CUBN: variants seen among roughly 807,000 people sequenced by gnomAD.
CUBN encodes cubilin.
In CUBN, 282 loss-of-function variants were observed where a neutral mutation model predicts 405.3. The observed-to-expected ratio is 0.70, with a 90% CI of 0.63 to 0.77. The LOEUF is 0.77. Among genes scored for constraint, CUBN ranks in the 30% least tolerant of loss-of-function variants. CUBN has a pLI of 0.00. For missense variants in CUBN, 4,514 were observed against 4,475.2 expected (o/e 1.01, Z -0.25); for synonymous variants, 1,684 against 1,617.0 (o/e 1.04, Z -0.99).
At chr10:16,898,254 G>T (rs373170399) in intron 54 of CUBN, among the ~76,000 whole-genome samples, 1 of 151,936 alleles carries the variant, frequency 6.6e-6, no homozygotes, top group African/African-American at 2.4e-5. Flanking sequence ...TTATTACATC[G>T]TATTATCTCC....
intron 22 of CUBN, among the ~76,000 whole-genome samples, chr10:17,051,136 T>C (rs1374540013): frequency 6.6e-6 from 1 of 151,284 alleles, no homozygotes; most frequent in African/African-American, 2.4e-5. Flanking sequence ...TCAAGGCAGG[T>C]GGATCATGAG....
At position 16,832,486 on chromosome 10, in the gene CUBN, T is replaced by G. The variant is rs545133158; in HGVS notation, c.10363-1069A>C. 3.9e-5 allele frequency among the ~76,000 whole-genome samples: 6 copies of G among 152,286 alleles called. No homozygotes were observed. In the East Asian group the frequency reaches 1.2e-3, roughly 29 times the overall value. On this transcript the variant is annotated intron_variant, in intron 64 of 66. Coordinates refer to ENST00000377833, the MANE Select transcript of CUBN (RefSeq NM_001081.4). Reference sequence around the variant, plus strand: ...TTTGGGGATTATTCTGCTAAGTGTTTAAACAAAGTAACCTTGCCATGACAG... The same window carrying G: ...TTTGGGGATTATTCTGCTAAGTGTTGAAACAAAGTAACCTTGCCATGACAG...
At position 16,869,642 on chromosome 10, in the gene CUBN, T is replaced by A. The variant is rs1244161128; in HGVS notation, c.9448A>T (p.Thr3150Ser). Residue 3150 changes from threonine (T) to serine (S), a missense_variant, in exon 59 of 67, where the codon ACA (threonine) becomes TCA (serine). This residue lies in a region of CUBN where 1,186 missense variants were observed against 1,186.9 expected (regional missense o/e 1.00). Coordinates refer to ENST00000377833, the MANE Select transcript of CUBN (RefSeq NM_001081.4). Reference protein sequence around the residue: ...AKGWKMSFRQTLGPQQGCGGY... With the variant: ...AKGWKMSFRQSLGPQQGCGGY... ...ACAAGTCCAGAATTCTTACCCAATG[T>A]CTGCCGGAAAGACATCTTCCAGCCT... 1 of 1,611,682 alleles carries A rather than the reference T, an allele frequency of 6.2e-7. No individual in the cohort carries two copies. Among genetic ancestry groups the A allele is most frequent in the East Asian group, 2.2e-5 (1 of 44,868 alleles).
Position 17,129,248 on chromosome 10 carries a change from G to T in CUBN, c.125C>A (p.Pro42His). 6.2e-7 allele frequency: 1 copy of T among 1,613,370 alleles called. No individual in the cohort carries two copies. The highest frequency in any genetic ancestry group is 8.5e-7 in the Non-Finnish European group (1 of 1,179,410). ...ATTTCCTCTCTCTGTAGCCATTCGA[G>T]GCCTATATAATTCAAACGAGAGAAT... is the stretch of plus-strand genomic sequence containing the variant. ...RQKRSINLQQ[P>H]RMATERGNLV... is the part of the protein sequence containing the mutation. The change falls in exon 2 of 67, where the codon CCT (proline) becomes CAT (histidine). Residue 42 changes from proline to histidine, a missense_variant and splice_region_variant. By Grantham distance (77) the Pro-to-His change is moderately conservative. Around this residue, in one of 5 missense-constraint regions of CUBN, gnomAD observed 1,448 missense variants for 1,388.0 expected, o/e 1.04. Transcript: ENST00000377833.
At chr10:16,976,377 T>A (rs1306048576) in intron 31 of CUBN, among the ~76,000 whole-genome samples, 2 of 152,134 alleles carry the variant, frequency 1.3e-5, no homozygotes, top group Admixed American at 1.3e-4. Flanking sequence ...TTAAAAAAAT[T>A]TTTTTTACTT....
chr10:16,875,060 T>C (rs1338848252), intron 57 of CUBN, among the ~76,000 whole-genome samples: 1 of 152,048 alleles, frequency 6.6e-6, no homozygotes, highest in Non-Finnish European at 1.5e-5. Flanking sequence ...TCCAGTCTGG[T>C]GGATTTGCAG....
At chr10:17,037,623 G>A (rs1256897885) in intron 27 of CUBN, among the ~76,000 whole-genome samples, 1 of 152,164 alleles carries the variant, frequency 6.6e-6, no homozygotes, top group Non-Finnish European at 1.5e-5. Context: ...CATTTAAAGA[G>A]GCACTGACAT....
In CUBN at chr10:17,085,604, T is replaced by C. The variant is rs143693723; in HGVS notation, c.2103A>G (p.Thr701=). The C allele has an allele frequency of 5.0e-4, 799 of 1,614,056 alleles. 5 individuals are homozygous for C. The African/African-American group carries it at 9.5e-3, about 19-fold the overall frequency. ...SDQGFHITYL[T]SPSDLRCGGN... ...AACTGGTAGGTTACTTACAAGGTGA[T>C]GTTAAGTAGGTGATATGGAAGCCTT... Residue 701 remains threonine, a synonymous_variant, in exon 16 of 67, where the codon ACA becomes ACG. Transcript: ENST00000377833.
At chr10:17,040,958 G>T in intron 27 of CUBN, 75 bp downstream of exon 27, 1 of 1,416,536 alleles carries the variant, frequency 7.1e-7, no homozygotes, top group Non-Finnish European at 1.0e-6. Flanking sequence ...ATTCTAAAAA[G>T]CATGATGGAT....
In CUBN at chr10:16,824,811, C is replaced by A; in HGVS notation, c.*164G>T. On this transcript the variant is annotated 3_prime_UTR_variant, in exon 67 of 67. Coordinates refer to ENST00000377833, the MANE Select transcript of CUBN (RefSeq NM_001081.4). ...CTGAGAATACAGGGGGGTGAGCCAC[C>A]ACGCCTGGCCTACAAATATTGATTC... 1.5e-6 allele frequency: 1 copy of A among 650,144 alleles called. No individual in the cohort carries two copies. The allele number at this position is 650,144 out of a possible 1,614,324, so 40.3% of individuals were successfully genotyped here.
At chr10:17,044,017 A>C in intron 25 of CUBN, 34 bp from the exon 26 acceptor site, 1 of 1,584,206 alleles carries the variant, frequency 6.3e-7, no homozygotes, top group Non-Finnish European at 8.6e-7. Flanking sequence ...TAGATGGTTG[A>C]GACTATAAAC....
intron 34 of CUBN, 129 bp from the exon 35 acceptor site, chr10:16,948,735 C>G: frequency 8.9e-7 from 1 of 1,118,142 alleles, no homozygotes. Flanking sequence ...CTAGGAGAAC[C>G]ACTTCATTCA....
Position 17,085,642 on chromosome 10 carries a change from GGGA to G in CUBN, c.2062_2064del (p.Ser688del). 6.2e-7 allele frequency: 1 copy of G among 1,614,084 alleles called. No individual in the cohort carries two copies. The highest frequency in any genetic ancestry group is 8.5e-7 in the Non-Finnish European group (1 of 1,179,972). On this transcript the variant is annotated inframe_deletion, in exon 16 of 67. Transcript: ENST00000377833. ...ATATGGAAGCCTTGGTCACTAATCTGGGAGTCTGAATGGAAGTGAATTCTGGCA... is the reference window on the plus strand; with the variant it reads ...ATATGGAAGCCTTGGTCACTAATCTGGTCTGAATGGAAGTGAATTCTGGCA...
At chr10:17,040,607 T>C (rs1834997326) in intron 27 of CUBN, among the ~76,000 whole-genome samples, 1 of 152,116 alleles carries the variant, frequency 6.6e-6, no homozygotes, top group Admixed American at 6.5e-5. Context: ...AAAAATATAC[T>C]GAAATGAACT....
rs1253349370 is a variant in CUBN, at chr10:17,046,030, T to C, written c.3394A>G (p.Ile1132Val). Residue 1132 changes from isoleucine (I) to valine (V), a missense_variant, in exon 24 of 67, where the codon ATC becomes GTC. By Grantham distance (29) the Ile-to-Val change is conservative. Transcript: ENST00000377833. ...CATAGTTTGTTACTATGAGAGATGA[T>C]TGTTGGGGGTAGATTTGAGCCATAG... Reference protein sequence around the residue: ...IFYGSNLPPTIISHSNKLWLK... With the variant: ...IFYGSNLPPTVISHSNKLWLK... The C allele has an allele frequency of 6.2e-7, 1 of 1,613,568 alleles. No individual in the cohort carries two copies. Among genetic ancestry groups the C allele is most frequent in the Non-Finnish European group, 8.5e-7 (1 of 1,179,676 alleles).
At chr10:17,108,395 G>A (rs1466062709) in intron 10 of CUBN, among the ~76,000 whole-genome samples, 1 of 151,980 alleles carries the variant, frequency 6.6e-6, no homozygotes, top group African/African-American at 2.4e-5. Context: ...GTGTGTGTGT[G>A]TGTGTGTGTG....
At chr10:16,875,947 A>G (rs909386519) in intron 57 of CUBN, among the ~76,000 whole-genome samples, 3 of 152,210 alleles carry the variant, frequency 2.0e-5, no homozygotes, top group African/African-American at 7.2e-5. Context: ...GCGTGGTTCT[A>G]TTCTGCTAGA....
chr10:17,090,922 CA>C (rs1162820209), intron 14 of CUBN, among the ~76,000 whole-genome samples: 2 of 147,950 alleles, frequency 1.4e-5, no homozygotes, highest in Non-Finnish European at 3.0e-5. Flanking sequence ...TAAAAAACAA[CA>C]AAAAAGTTTT....
intron 65 of CUBN, among the ~76,000 whole-genome samples, chr10:16,829,358 AC>A (rs201371622): frequency 1.3e-4 from 20 of 151,310 alleles, no homozygotes; most frequent in African/African-American, 3.9e-4. Flanking sequence ...AAAAAAAAAA[AC>A]AAACTTGATA....
Sources: allele counts gnomAD v4.1 joint callset (sites outside exome capture counted in the v4.1 genomes callset), GRCh38; gene constraint gnomAD v4.1.1; regional missense constraint gnomAD v4.1.1; transcripts MANE v1.5; gene names NCBI Gene and HGNC (gene_info 2026-07-23, HGNC 2026-07-21).